Variants in MCTP1 observed in about 807,000 individuals in gnomAD.
MCTP1 encodes multiple C2 and transmembrane domain-containing protein 1.
Under a neutral mutation model 120.6 loss-of-function variants are expected in MCTP1, and 69 were observed. The ratio of observed to expected loss-of-function variants is 0.57; its 90% confidence interval spans 0.47 to 0.70. MCTP1 has a LOEUF of 0.70. MCTP1 is among the 30% of genes least tolerant of loss of function. The pLI, the probability that MCTP1 is intolerant of heterozygous loss-of-function variation, is 0.00. For missense variants in MCTP1, 1,203 were observed against 1,248.8 expected (o/e 0.96, Z 0.55); for synonymous variants, 529 against 493.1 (o/e 1.07, Z -0.96).
intron 12 of MCTP1, among the ~76,000 whole-genome samples, chr5:94,885,188 A>C (rs1800991204): frequency 6.6e-6 from 1 of 152,194 alleles, no homozygotes; most frequent in African/African-American, 2.4e-5. Flanking sequence ...CTTTCAGTAC[A>C]GTGAAAAGGT....
At chr5:94,975,371 T>C (rs1181887081) in intron 2 of MCTP1, among the ~76,000 whole-genome samples, 1 of 151,914 alleles carries the variant, frequency 6.6e-6, no homozygotes, top group Non-Finnish European at 1.5e-5. Flanking sequence ...AGTGCCCTTA[T>C]AAGACAAAGA....
intron 19 of MCTP1, among the ~76,000 whole-genome samples, chr5:94,728,958 G>T (rs1762622277): frequency 6.6e-6 from 1 of 152,062 alleles, no homozygotes; most frequent in African/African-American, 2.4e-5. Flanking sequence ...GAGGATACTG[G>T]ACTCTGGGGA....
At chr5:94,883,485 A>G (rs969552639) in intron 12 of MCTP1, among the ~76,000 whole-genome samples, 1 of 152,230 alleles carries the variant, frequency 6.6e-6, no homozygotes, top group Non-Finnish European at 1.5e-5. Context: ...TAGTAAAGTT[A>G]AGAAACTATG....
intron 19 of MCTP1, among the ~76,000 whole-genome samples, chr5:94,764,148 C>A (rs1340756988): frequency 6.6e-6 from 1 of 152,156 alleles, no homozygotes; most frequent in African/African-American, 2.4e-5. Context: ...CCAAGGATGA[C>A]TCTTAAACCT....
chr5:94,947,285 T>G (rs1819189001), intron 3 of MCTP1, among the ~76,000 whole-genome samples: 1 of 151,972 alleles, frequency 6.6e-6, no homozygotes, highest in Non-Finnish European at 1.5e-5. Flanking sequence ...TACGGATAAT[T>G]TGGCCCTTCC....
chr5:94,826,670 T>C, intron 17 of MCTP1: 1 of 694,586 alleles, frequency 1.4e-6, no homozygotes, highest in Middle Eastern at 4.3e-4. Flanking sequence ...AGGAACCTTC[T>C]CTTCTTCTCT....
chr5:95,185,625 A>G (rs1749120498), intron 1 of MCTP1, among the ~76,000 whole-genome samples: 1 of 152,146 alleles, frequency 6.6e-6, no homozygotes, highest in Non-Finnish European at 1.5e-5. Context: ...TCTACTAAAA[A>G]TAGAAAATTA....
chr5:94,961,214 T>G (rs1250171198), intron 2 of MCTP1, among the ~76,000 whole-genome samples: 1 of 148,168 alleles, frequency 6.7e-6, no homozygotes, highest in Non-Finnish European at 1.5e-5. Context: ...TAAGTGGGAG[T>G]TGAACAATGA....
Position 95,103,323 on chromosome 5 carries a change from T to A in MCTP1, c.721-85839A>T, listed in dbSNP as rs374803335. ...TTCTGTAATAAATGAAATTATATAT[T>A]TTTTTTAAAGTGGAGAAAAAGGTTT... On this transcript the variant is annotated intron_variant, in intron 1 of 22. Coordinates refer to ENST00000515393, the MANE Select transcript of MCTP1 (RefSeq NM_024717.7). 1.1e-3 allele frequency among the ~76,000 whole-genome samples: 169 copies of A among 151,692 alleles called. 1 individual carries two copies. Among genetic ancestry groups the A allele is most frequent in the Middle Eastern group, 3.4e-3 (1 of 292 alleles).
intron 17 of MCTP1, among the ~76,000 whole-genome samples, chr5:94,808,368 G>T (rs1782772741): frequency 6.6e-6 from 1 of 152,180 alleles, no homozygotes; most frequent in Non-Finnish European, 1.5e-5. Context: ...TCTGAAGAGA[G>T]GCTTTGCTTT....
At chr5:95,162,611 A>G (rs1377125342) in intron 1 of MCTP1, among the ~76,000 whole-genome samples, 1 of 152,234 alleles carries the variant, frequency 6.6e-6, no homozygotes, top group African/African-American at 2.4e-5. Flanking sequence ...CAGACATTTC[A>G]GCCAAAATAC....
chr5:94,777,551 G>A (rs1443504568), intron 19 of MCTP1, among the ~76,000 whole-genome samples: 1 of 152,104 alleles, frequency 6.6e-6, no homozygotes, highest in Non-Finnish European at 1.5e-5. Context: ...AATGCCTGCT[G>A]CTGGGGTGGA....
At chr5:95,025,129 A>G (rs759162482) in intron 1 of MCTP1, among the ~76,000 whole-genome samples, 1 of 152,200 alleles carries the variant, frequency 6.6e-6, no homozygotes, top group Non-Finnish European at 1.5e-5. Flanking sequence ...CAGTGAAAAG[A>G]ACGAAGCTAG....
At chr5:94,913,012 T>C in intron 8 of MCTP1, 36 bp from the exon 9 acceptor site, 1 of 1,547,138 alleles carries the variant, frequency 6.5e-7, no homozygotes, top group Non-Finnish European at 8.7e-7. Context: ...GGTTACTGTG[T>C]TTTAAACCCA....
intron 17 of MCTP1, among the ~76,000 whole-genome samples, chr5:94,809,503 G>A (rs1452412563): frequency 6.6e-6 from 1 of 152,102 alleles, no homozygotes; most frequent in Non-Finnish European, 1.5e-5. Context: ...CCTGGAGAAT[G>A]TTGATTCTCC....
chr5:94,856,386 C>T (rs1471148755), intron 17 of MCTP1, among the ~76,000 whole-genome samples: 6 of 151,780 alleles, frequency 4.0e-5, no homozygotes, highest in Non-Finnish European at 5.9e-5. Flanking sequence ...TAAGGAAATT[C>T]GCCATCTACA....
intron 18 of MCTP1, among the ~76,000 whole-genome samples, chr5:94,791,065 G>T (rs2152985831): frequency 7.1e-6 from 1 of 141,386 alleles, no homozygotes; most frequent in East Asian, 2.1e-4. Context: ...TTGGGGTCAG[G>T]AGTTCCAGAC....
intron 1 of MCTP1, among the ~76,000 whole-genome samples, chr5:95,179,963 A>C (rs1161766232): frequency 1.3e-5 from 2 of 152,186 alleles, no homozygotes; most frequent in East Asian, 3.9e-4. Context: ...TATTCCATTC[A>C]AATAGAAACC....
intron 1 of MCTP1, among the ~76,000 whole-genome samples, chr5:95,047,556 C>T (rs559028528): frequency 6.6e-6 from 1 of 152,054 alleles, no homozygotes; most frequent in East Asian, 1.9e-4. Flanking sequence ...CTGTTTGACT[C>T]AATAATTTAA....
Sources: gnomAD v4.1 joint callset for allele counts (sites outside exome capture counted in the v4.1 genomes callset) on GRCh38, gnomAD v4.1.1 for gene constraint, MANE v1.5 for transcripts, NCBI Gene and HGNC (gene_info 2026-07-23, HGNC 2026-07-21) for gene names.